The following MAF variants were observed in gnomAD, a reference collection of about 807,000 sequenced individuals.
The protein encoded by MAF is MAF bZIP transcription factor, also known as transcription factor Maf.
MAF carries 10 observed loss-of-function variants against 22.0 expected under a neutral mutation model. That is an observed-to-expected ratio of 0.45 (90% CI 0.28 to 0.77). The LOEUF (loss-of-function observed/expected upper bound fraction) is 0.77. Among genes scored for constraint, MAF ranks in the 30% least tolerant of loss-of-function variants. The pLI, the probability that MAF is intolerant of heterozygous loss-of-function variation, is 0.12. For synonymous variants in MAF, 337 were observed against 255.8 expected (o/e 1.32, Z -3.03); for missense variants, 544 against 548.4 (o/e 0.99, Z 0.08).
the MAF span, among the ~76,000 whole-genome samples, chr16:79,527,930 C>T: frequency 1.3e-5 from 2 of 152,004 alleles, no homozygotes; most frequent in East Asian, 1.9e-4. Context: ...TCACTTGAGG[C>T]CAGGAGTTTA....
the MAF span, among the ~76,000 whole-genome samples, chr16:79,278,047 T>C: frequency 6.6e-6 from 1 of 152,194 alleles, no homozygotes; most frequent in African/African-American, 2.4e-5. Context: ...CCTGGGGTAA[T>C]GCCTGCGATT....
At chr16:79,278,753 C>T in the MAF span, among the ~76,000 whole-genome samples, 6 of 152,160 alleles carry the variant, frequency 3.9e-5, no homozygotes, top group African/African-American at 1.2e-4. Context: ...GCTACCCAAA[C>T]AGGGACCCGC....
chr16:79,382,009 C>T, the MAF span, among the ~76,000 whole-genome samples: 3 of 152,260 alleles, frequency 2.0e-5, no homozygotes, highest in East Asian at 3.9e-4. Flanking sequence ...CTTAGACATC[C>T]TCCGCTGCTT....
downstream of MAF, among the ~76,000 whole-genome samples, chr16:79,583,978 C>T (rs1349550419): frequency 6.6e-6 from 1 of 152,024 alleles, no homozygotes; most frequent in Non-Finnish European, 1.5e-5. Flanking sequence ...GTAACATGCC[C>T]TAATGAAAAA....
chr16:79,260,190 G>A, the MAF span, among the ~76,000 whole-genome samples: 1 of 152,160 alleles, frequency 6.6e-6, no homozygotes, highest in Non-Finnish European at 1.5e-5. Flanking sequence ...TCACTCTGTT[G>A]CCCAGGCTGG....
At chr16:79,411,390 C>G in the MAF span, among the ~76,000 whole-genome samples, 1 of 152,128 alleles carries the variant, frequency 6.6e-6, no homozygotes, top group Non-Finnish European at 1.5e-5. Context: ...AGTTATCTGC[C>G]CCATATCCAT....
chr16:79,325,439 G>A, the MAF span, among the ~76,000 whole-genome samples: 1 of 152,098 alleles, frequency 6.6e-6, no homozygotes, highest in Non-Finnish European at 1.5e-5. Flanking sequence ...TTACCCAGGA[G>A]GCTCATGAAG....
At chr16:79,285,875 G>A in the MAF span, among the ~76,000 whole-genome samples, 5 of 152,280 alleles carry the variant, frequency 3.3e-5, no homozygotes, top group Admixed American at 1.3e-4. Context: ...GTTCCTAAGG[G>A]CAGTGTGGCA....
chr16:79,545,095 T>A, the MAF span, among the ~76,000 whole-genome samples: 1 of 152,178 alleles, frequency 6.6e-6, no homozygotes, highest in Non-Finnish European at 1.5e-5. Context: ...GTTGTTTGTT[T>A]TCCTTCTTAA....
the MAF span, among the ~76,000 whole-genome samples, chr16:79,229,053 A>C: frequency 6.6e-6 from 1 of 151,892 alleles, no homozygotes; most frequent in East Asian, 1.9e-4. Context: ...CCAATCAGCC[A>C]CATTCTAATC....
At chr16:79,555,390 C>G in the MAF span, among the ~76,000 whole-genome samples, 2 of 152,180 alleles carry the variant, frequency 1.3e-5, no homozygotes, top group African/African-American at 2.4e-5. Context: ...TCCCTTCTCA[C>G]CTCTGAGCCA....
the MAF span, among the ~76,000 whole-genome samples, chr16:79,455,422 A>T: frequency 6.6e-6 from 1 of 152,230 alleles, no homozygotes; most frequent in Non-Finnish European, 1.5e-5. Flanking sequence ...GCCCTAGTCT[A>T]AACCCAGTAG....
chr16:79,403,662 G>A, the MAF span, among the ~76,000 whole-genome samples: 5 of 152,328 alleles, frequency 3.3e-5, no homozygotes, highest in African/African-American at 1.2e-4. Context: ...GTCTAGCAAG[G>A]CTCACACCAT....
downstream of MAF, among the ~76,000 whole-genome samples, chr16:79,589,460 C>G (rs1913056150): frequency 6.6e-6 from 1 of 152,010 alleles, no homozygotes; most frequent in African/African-American, 2.4e-5. Flanking sequence ...CTTTTTCCCT[C>G]TTACTCTGTC....
chr16:79,412,317 C>T, the MAF span, among the ~76,000 whole-genome samples: 1 of 152,152 alleles, frequency 6.6e-6, no homozygotes, highest in East Asian at 1.9e-4. Flanking sequence ...CAGGTATGTG[C>T]AGGTGGCAGA....
the MAF span, among the ~76,000 whole-genome samples, chr16:79,418,313 C>T: frequency 2.0e-5 from 3 of 152,256 alleles, no homozygotes; most frequent in South Asian, 4.2e-4. Context: ...GCTGGGGCCT[C>T]ACGGTCAGCT....
chr16:79,363,990 A>G, the MAF span, among the ~76,000 whole-genome samples: 1 of 152,126 alleles, frequency 6.6e-6, no homozygotes, highest in Non-Finnish European at 1.5e-5. Flanking sequence ...CTGACCAGTG[A>G]CCAAATGCAG....
At chr16:79,575,630 G>A in the MAF span, among the ~76,000 whole-genome samples, 2 of 152,212 alleles carry the variant, frequency 1.3e-5, no homozygotes, top group Non-Finnish European at 2.9e-5. Context: ...CAGTAGAGAA[G>A]GCCTGCCTGC....
chr16:79,226,844 C>T, the MAF span, among the ~76,000 whole-genome samples: 2 of 151,972 alleles, frequency 1.3e-5, no homozygotes, highest in Non-Finnish European at 2.9e-5. Flanking sequence ...ACATGCCCAG[C>T]TGCCTTATTG....
Sources: gnomAD v4.1 joint callset for allele counts (sites outside exome capture counted in the v4.1 genomes callset) on GRCh38, gnomAD v4.1.1 for gene constraint, MANE v1.5 for transcripts, NCBI Gene and HGNC (gene_info 2026-07-23, HGNC 2026-07-21) for gene names.